Variants in CTNNA3 observed in about 807,000 individuals in gnomAD.
The protein encoded by CTNNA3 is catenin alpha-3.
CTNNA3 carries 76 observed loss-of-function variants against 95.7 expected under a neutral mutation model. The observed-to-expected ratio is 0.79, with a 90% CI of 0.66 to 0.96. The LOEUF (loss-of-function observed/expected upper bound fraction) is 0.96. CTNNA3 is among the 40% of genes least tolerant of loss of function. The probability of loss-of-function intolerance (pLI) is 0.00; values close to 1 mark genes in which losing one functional copy is unlikely to be tolerated. For missense variants in CTNNA3, 1,191 were observed against 1,089.8 expected, an observed-to-expected ratio of 1.09 and a Z score of -1.31; for synonymous variants, 431 against 374.4, an observed-to-expected ratio of 1.15 and a Z score of -1.74.
intron 7 of CTNNA3, among the ~76,000 whole-genome samples, chr10:66,839,572 AG>A (rs1842981065): frequency 6.6e-6 from 1 of 152,164 alleles, no homozygotes; most frequent in Non-Finnish European, 1.5e-5. Context: ...AATCCAAAAT[AG>A]TACTTAATGT....
intron 13 of CTNNA3, among the ~76,000 whole-genome samples, chr10:66,126,707 A>T (rs1007352839): frequency 6.6e-6 from 1 of 152,236 alleles, no homozygotes; most frequent in African/African-American, 2.4e-5. Flanking sequence ...CCATATCTGG[A>T]ATAATTTGAG....
At chr10:67,575,934 C>G (rs2133301024) in intron 3 of CTNNA3, among the ~76,000 whole-genome samples, 1 of 152,202 alleles carries the variant, frequency 6.6e-6, no homozygotes, top group African/African-American at 2.4e-5. Context: ...GACTGATACA[C>G]CCAGTGGACC....
intron 10 of CTNNA3, among the ~76,000 whole-genome samples, chr10:66,552,881 T>C (rs1842263147): frequency 1.3e-5 from 2 of 152,072 alleles, no homozygotes; most frequent in African/African-American, 4.8e-5. Context: ...TTAGCCTATT[T>C]TCTTTGATAT....
chr10:67,674,937 G>A (rs1030122589), intron 1 of CTNNA3, among the ~76,000 whole-genome samples: 1 of 151,916 alleles, frequency 6.6e-6, no homozygotes, highest in African/African-American at 2.4e-5. Flanking sequence ...TGTAACATCT[G>A]TATATGAAAG....
intron 5 of CTNNA3, among the ~76,000 whole-genome samples, chr10:67,493,510 A>C (rs367698546): frequency 6.6e-6 from 1 of 150,710 alleles, no homozygotes; most frequent in Admixed American, 6.6e-5. Context: ...TGCAGTGAGC[A>C]GAGATCGCAC....
At chr10:66,053,313 G>A (rs1354928921) in intron 15 of CTNNA3, among the ~76,000 whole-genome samples, 2 of 151,830 alleles carry the variant, frequency 1.3e-5, no homozygotes, top group Non-Finnish European at 2.9e-5. Context: ...TTCTTAGGAT[G>A]TTTTTCACAC....
intron 7 of CTNNA3, among the ~76,000 whole-genome samples, chr10:66,951,555 T>C (rs1209406028): frequency 6.6e-6 from 1 of 152,166 alleles, no homozygotes; most frequent in Non-Finnish European, 1.5e-5. Flanking sequence ...GGCATAGAAA[T>C]TTTAAGTAAT....
At chr10:66,018,408 G>A (rs2079137368) in intron 15 of CTNNA3, among the ~76,000 whole-genome samples, 1 of 152,016 alleles carries the variant, frequency 6.6e-6, no homozygotes, top group South Asian at 2.1e-4. Context: ...TGAAAGCATT[G>A]TAAATTTTTT....
At chr10:66,010,589 C>G (rs1364932467) in intron 15 of CTNNA3, among the ~76,000 whole-genome samples, 1 of 152,164 alleles carries the variant, frequency 6.6e-6, no homozygotes, top group Non-Finnish European at 1.5e-5. Context: ...AGGTTCTACT[C>G]TGTCTTCTAA....
chr10:66,421,283 G>A (rs983532457), intron 11 of CTNNA3, among the ~76,000 whole-genome samples: 2 of 152,182 alleles, frequency 1.3e-5, no homozygotes, highest in Non-Finnish European at 2.9e-5. Context: ...GGAGGGTGAA[G>A]AGAGGTAGGT....
chr10:66,008,871 G>A (rs1047365058), intron 15 of CTNNA3, among the ~76,000 whole-genome samples: 26 of 152,154 alleles, frequency 1.7e-4, no homozygotes, highest in Non-Finnish European at 7.3e-5. Flanking sequence ...TCAGGCTGAG[G>A]TGGGTGGATC....
At chr10:66,616,680 A>G (rs1263712900) in intron 10 of CTNNA3, among the ~76,000 whole-genome samples, 1 of 151,966 alleles carries the variant, frequency 6.6e-6, no homozygotes, top group Non-Finnish European at 1.5e-5. Context: ...AATTCACTGA[A>G]ACCTACGTGA....
At chr10:67,386,584 G>A (rs1026882859) in intron 5 of CTNNA3, among the ~76,000 whole-genome samples, 1 of 152,114 alleles carries the variant, frequency 6.6e-6, no homozygotes, top group African/African-American at 2.4e-5. Flanking sequence ...AGATCCTAGG[G>A]GGAAGTGAAC....
At chr10:66,736,182 T>C (rs1437969022) in intron 9 of CTNNA3, among the ~76,000 whole-genome samples, 1 of 151,886 alleles carries the variant, frequency 6.6e-6, no homozygotes, top group Non-Finnish European at 1.5e-5. Flanking sequence ...TAGTGAAAAG[T>C]GACGAATACT....
chr10:66,102,999 G>T (rs1336036970), intron 14 of CTNNA3, among the ~76,000 whole-genome samples, 158 bp downstream of exon 14: 1 of 152,116 alleles, frequency 6.6e-6, no homozygotes, highest in Non-Finnish European at 1.5e-5. Context: ...TTCCCCTCAT[G>T]TGGTTTCCCT....
chr10:67,065,513 T>C (rs1856021060), intron 7 of CTNNA3, among the ~76,000 whole-genome samples: 1 of 152,138 alleles, frequency 6.6e-6, no homozygotes, highest in Non-Finnish European at 1.5e-5. Context: ...ACCACATCTG[T>C]TCCATCTTCT....
chr10:66,179,007 A>C (rs1033608435), intron 13 of CTNNA3, among the ~76,000 whole-genome samples: 2 of 152,002 alleles, frequency 1.3e-5, no homozygotes, highest in African/African-American at 4.8e-5. Context: ...TTATTACAAA[A>C]ACTAACCATG....
intron 14 of CTNNA3, among the ~76,000 whole-genome samples, chr10:66,089,882 CA>C (rs1388564295): frequency 2.0e-5 from 3 of 151,732 alleles, no homozygotes; most frequent in Non-Finnish European, 4.4e-5. Context: ...CAATAGCAAA[CA>C]AAACCAAGCG....
At chr10:67,037,225 GT>G (rs1281934515) in intron 7 of CTNNA3, among the ~76,000 whole-genome samples, 3 of 152,116 alleles carry the variant, frequency 2.0e-5, no homozygotes, top group Non-Finnish European at 4.4e-5. Flanking sequence ...TAAGTAATGT[GT>G]CAGTAAGCAT....
Sources: allele counts gnomAD v4.1 joint callset (sites outside exome capture counted in the v4.1 genomes callset), GRCh38; gene constraint gnomAD v4.1.1; transcripts MANE v1.5; gene names NCBI Gene and HGNC (gene_info 2026-07-23, HGNC 2026-07-21).